Variants in CPNE4 observed in about 807,000 individuals in gnomAD.
CPNE4 encodes copine 4.
A neutral mutation model predicts 67.9 loss-of-function variants in CPNE4; 25 were observed. The observed-to-expected ratio is 0.37, with a 90% confidence interval of 0.27 to 0.51. CPNE4 has a LOEUF of 0.51. CPNE4 is among the 20% of genes least tolerant of loss of function. The pLI is 0.93. For missense variants in CPNE4, 464 were observed against 690.8 expected (o/e 0.67, Z 3.68); for synonymous variants, 242 against 244.9 (o/e 0.99, Z 0.11).
intron 2 of CPNE4, among the ~76,000 whole-genome samples, chr3:131,775,851 G>A (rs978806499): frequency 6.6e-6 from 1 of 152,142 alleles, no homozygotes; most frequent in Non-Finnish European, 1.5e-5. Context: ...CTCTGCATTT[G>A]GCAGAAAACC....
intron 2 of CPNE4, among the ~76,000 whole-genome samples, chr3:131,870,741 A>G (rs1025103003): frequency 2.1e-4 from 32 of 152,278 alleles, no homozygotes; most frequent in Admixed American, 9.2e-4. Flanking sequence ...AAAGGATGCT[A>G]ATTAATGATG....
intron 7 of CPNE4, among the ~76,000 whole-genome samples, chr3:131,595,824 T>C (rs1035258149): frequency 1.3e-5 from 2 of 152,166 alleles, no homozygotes; most frequent in African/African-American, 4.8e-5. Flanking sequence ...AAGGGATGAA[T>C]ATCCAAACCA....
intron 2 of CPNE4, among the ~76,000 whole-genome samples, chr3:131,732,148 A>C (rs1354363455): frequency 6.6e-6 from 1 of 152,102 alleles, no homozygotes; most frequent in Non-Finnish European, 1.5e-5. Context: ...CCACACCCCA[A>C]CCTCTGGATC....
chr3:131,792,563 A>G (rs1307367326), intron 2 of CPNE4, among the ~76,000 whole-genome samples: 4 of 148,846 alleles, frequency 2.7e-5, no homozygotes, highest in Admixed American at 1.4e-4. Context: ...TGCCGACCAG[A>G]TACCTACACT....
intron 7 of CPNE4, among the ~76,000 whole-genome samples, chr3:131,666,753 T>C (rs2080273493): frequency 6.6e-6 from 1 of 151,946 alleles, no homozygotes; most frequent in Non-Finnish European, 1.5e-5. Context: ...ATGTGAGAAA[T>C]GCTATGGGAC....
chr3:131,751,795 GT>G (rs869224515), intron 2 of CPNE4, among the ~76,000 whole-genome samples: 5 of 136,786 alleles, frequency 3.7e-5, no homozygotes, highest in African/African-American at 5.1e-5. Flanking sequence ...TTGTTTGTTT[GT>G]TTTTTCGACA....
rs1426621881 is a variant in CPNE4 at position 131,633,441 on chromosome 3, C to G, written c.681+36234G>C. Among the ~76,000 whole-genome samples the G allele has an allele frequency of 2.6e-5, 4 of 152,242 alleles. No individual in the cohort carries two copies. The East Asian group carries it at 7.7e-4, about 29-fold the overall frequency. On this transcript the variant is annotated intron_variant, in intron 7 of 15. Transcript: ENST00000429747. ...GTTAGGACTAGACTAAAGAGCCGGTCTCAAAAGTCAAAGAAGCATATGAGG... is the reference window on the plus strand; with the variant it reads ...GTTAGGACTAGACTAAAGAGCCGGTGTCAAAAGTCAAAGAAGCATATGAGG...
intron 2 of CPNE4, among the ~76,000 whole-genome samples, chr3:131,874,808 C>T (rs1384825813): frequency 6.6e-6 from 1 of 151,930 alleles, no homozygotes; most frequent in Non-Finnish European, 1.5e-5. Flanking sequence ...CAATGGGAAA[C>T]GTTGGAAAAA....
chr3:131,801,477 T>TATATATATATATATATATAA (rs1456669959), intron 2 of CPNE4, among the ~76,000 whole-genome samples: 1 of 133,322 alleles, frequency 7.5e-6, no homozygotes, highest in African/African-American at 2.8e-5. Flanking sequence ...TATATATATA[T>TATATATATATATATATATAA]AATATCACTG....
rs1936083512 is a variant in CPNE4, at chr3:131,549,996, T to C, written c.1253A>G (p.Gln418Arg). 3 of 1,613,272 alleles carry C rather than the reference T, an allele frequency of 1.9e-6. No homozygotes were observed. Among genetic ancestry groups the C allele is most frequent in the Non-Finnish European group, 2.5e-6 (3 of 1,179,452 alleles). ...CTCTGACGCTGACTTGGCAACCTTC[T>C]GGATGATGGGGGCAATGTTGGTGGG... ...YGPTNIAPII[Q>R]KVAKSASEET... The change falls in exon 14 of 16, where the codon CAG becomes CGG. Residue 418 changes from glutamine (Q) to arginine (R), a missense_variant. Coordinates refer to ENST00000429747, the MANE Select transcript of CPNE4 (RefSeq NM_130808.3).
At chr3:131,940,456 T>G (rs2071353399) in intron 1 of CPNE4, among the ~76,000 whole-genome samples, 1 of 152,134 alleles carries the variant, frequency 6.6e-6, no homozygotes, top group African/African-American at 2.4e-5. Context: ...TTACCTTTCA[T>G]GTATAAAAAG....
At chr3:131,955,215 C>T (rs989903415) in intron 1 of CPNE4, among the ~76,000 whole-genome samples, 10 of 151,684 alleles carry the variant, frequency 6.6e-5, no homozygotes, top group African/African-American at 1.9e-4. Flanking sequence ...ATTAACAGTA[C>T]CATTTCTAAA....
At chr3:131,850,061 T>C (rs374194942) in intron 2 of CPNE4, among the ~76,000 whole-genome samples, 1 of 152,178 alleles carries the variant, frequency 6.6e-6, no homozygotes, top group East Asian at 1.9e-4. Context: ...TTCATGACTG[T>C]TATCCCCTTA....
intron 1 of CPNE4, among the ~76,000 whole-genome samples, chr3:131,923,704 C>CAAAAAAAAAAAAAAAAAAAAAAAAAAA (rs3041574): frequency 2.5e-5 from 1 of 39,288 alleles, no homozygotes. Flanking sequence ...GACTCCGTCT[C>CAAAAAAAAAAAAAAAAAAAAAAAAAAA]AAAAAAAAAA....
At chr3:131,994,206 T>C (rs995620050) in intron 1 of CPNE4, among the ~76,000 whole-genome samples, 1 of 136,116 alleles carries the variant, frequency 7.3e-6, no homozygotes, top group Admixed American at 8.2e-5. Flanking sequence ...CCTGAACAAA[T>C]GAAGATGTAT....
intron 7 of CPNE4, among the ~76,000 whole-genome samples, chr3:131,601,270 A>G (rs1255765189): frequency 6.6e-6 from 1 of 152,184 alleles, no homozygotes; most frequent in African/African-American, 2.4e-5. Flanking sequence ...TATATGCACA[A>G]GCACACATAT....
chr3:131,792,706 C>CGTGT (rs1167463554), intron 2 of CPNE4, among the ~76,000 whole-genome samples: 1 of 81,264 alleles, frequency 1.2e-5, no homozygotes, highest in African/African-American at 5.0e-5. Flanking sequence ...CATATACACA[C>CGTGT]ACGTGTATAT....
At chr3:131,952,371 C>G (rs370308868) in intron 1 of CPNE4, among the ~76,000 whole-genome samples, 1 of 149,548 alleles carries the variant, frequency 6.7e-6, no homozygotes, top group African/African-American at 2.5e-5. Context: ...GCCCGGCAGC[C>G]GCCCCGTCTG....
Position 131,681,979 on chromosome 3 carries a change from A to G in CPNE4, c.591+3896T>C, listed in dbSNP as rs574416157. On this transcript the variant is annotated intron_variant, in intron 6 of 15. Transcript: ENST00000429747. ...CTCCAGAATTTCTGCTTGATTTCTT[A>G]CAATTATTTCAATCTCTTTGTTAAA... Among the ~76,000 whole-genome samples, 3 of 151,964 alleles carry G rather than the reference A, an allele frequency of 2.0e-5. No individual in the cohort carries two copies. In the South Asian group the frequency reaches 6.2e-4, roughly 32 times the overall value.
Sources: allele counts gnomAD v4.1 joint callset (sites outside exome capture counted in the v4.1 genomes callset), GRCh38; gene constraint gnomAD v4.1.1; transcripts MANE v1.5; gene names NCBI Gene and HGNC (gene_info 2026-07-23, HGNC 2026-07-21).